The following NWD2 variants were observed in gnomAD, a reference collection of about 807,000 sequenced individuals.
NWD2 encodes NACHT and WD repeat domain-containing protein 2.
NWD2 carries 37 observed loss-of-function variants against 132.7 expected under a neutral mutation model. That is an observed-to-expected ratio of 0.28 (90% CI 0.21 to 0.37). The LOEUF is 0.37. NWD2 is among the 10% of genes least tolerant of loss of function. The pLI, the probability that NWD2 is intolerant of heterozygous loss-of-function variation, is 1.00. For missense variants in NWD2, 1,592 were observed against 2,122.4 expected (o/e 0.75, Z 4.91); for synonymous variants, 705 against 803.0 (o/e 0.88, Z 2.06).
chr4:37,268,665 A>G (rs773278645), intron 1 of NWD2, among the ~76,000 whole-genome samples: 4 of 151,910 alleles, frequency 2.6e-5, no homozygotes, highest in Non-Finnish European at 4.4e-5. Context: ...GTATTTTGCA[A>G]TTGCTAAGAG....
intron 3 of NWD2, among the ~76,000 whole-genome samples, chr4:37,414,048 C>G (rs1477844927): frequency 6.6e-6 from 1 of 151,848 alleles, no homozygotes; most frequent in Admixed American, 6.6e-5. Flanking sequence ...TGCAGCAAAC[C>G]ACCATGGCAT....
At chr4:37,398,142 G>T (rs1720835626) in intron 3 of NWD2, among the ~76,000 whole-genome samples, 1 of 152,180 alleles carries the variant, frequency 6.6e-6, no homozygotes, top group African/African-American at 2.4e-5. Context: ...ATCCTCACCA[G>T]ATTCTTTGGA....
intron 3 of NWD2, among the ~76,000 whole-genome samples, chr4:37,362,822 A>T (rs1158116610): frequency 6.6e-6 from 1 of 152,208 alleles, no homozygotes; most frequent in Non-Finnish European, 1.5e-5. Context: ...GTACCTAATA[A>T]AACTAAACAG....
intron 3 of NWD2, among the ~76,000 whole-genome samples, chr4:37,387,039 T>G (rs1290105183): frequency 3.3e-5 from 5 of 152,162 alleles, no homozygotes; most frequent in Non-Finnish European, 7.3e-5. Flanking sequence ...TATTCCTTGA[T>G]AGCAATGCAG....
chr4:37,313,153 A>G (rs528815765), intron 1 of NWD2, among the ~76,000 whole-genome samples: 5 of 151,306 alleles, frequency 3.3e-5, no homozygotes, highest in African/African-American at 1.2e-4. Flanking sequence ...AAAATGAGTT[A>G]GGGAGGATTC....
chr4:37,260,372 G>A (rs1717604728), intron 1 of NWD2, among the ~76,000 whole-genome samples: 1 of 152,134 alleles, frequency 6.6e-6, no homozygotes, highest in Admixed American at 6.5e-5. Context: ...CTGCAGTATT[G>A]CATTATTCCA....
At chr4:37,263,140 T>C (rs1717678760) in intron 1 of NWD2, among the ~76,000 whole-genome samples, 1 of 152,148 alleles carries the variant, frequency 6.6e-6, no homozygotes, top group African/African-American at 2.4e-5. Context: ...AGCTGCATGG[T>C]CCAGCTTTCA....
At chr4:37,383,288 C>G (rs966343707) in intron 3 of NWD2, among the ~76,000 whole-genome samples, 26 of 152,172 alleles carry the variant, frequency 1.7e-4, no homozygotes, top group African/African-American at 6.3e-4. Flanking sequence ...TGATTTACAG[C>G]CAAAACAATT....
At chr4:37,316,545 ATTAT>A (rs1718962319) in intron 1 of NWD2, among the ~76,000 whole-genome samples, 1 of 151,784 alleles carries the variant, frequency 6.6e-6, no homozygotes, top group African/African-American at 2.4e-5. Flanking sequence ...CATTTTCGTG[ATTAT>A]TTATTTAAAT....
intron 3 of NWD2, among the ~76,000 whole-genome samples, chr4:37,368,031 A>G (rs1194078397): frequency 6.6e-6 from 1 of 151,940 alleles, no homozygotes; most frequent in Non-Finnish European, 1.5e-5. Context: ...GTCCTGTTCC[A>G]GTTTTCTTGG....
intron 1 of NWD2, among the ~76,000 whole-genome samples, chr4:37,256,578 A>G (rs1226173572): frequency 6.6e-6 from 1 of 152,222 alleles, no homozygotes. Context: ...ACTGTGTGAT[A>G]AGGAAAGTTA....
At chr4:37,258,920 A>G (rs1402491388) in intron 1 of NWD2, among the ~76,000 whole-genome samples, 2 of 152,220 alleles carry the variant, frequency 1.3e-5, no homozygotes, top group South Asian at 4.1e-4. Flanking sequence ...TGATATCACA[A>G]GTAGGATCAA....
At chr4:37,297,249 T>C (rs1286976802) in intron 1 of NWD2, among the ~76,000 whole-genome samples, 2 of 152,220 alleles carry the variant, frequency 1.3e-5, no homozygotes, top group Non-Finnish European at 2.9e-5. Context: ...CCTACACATC[T>C]TCTTCCATAT....
chr4:37,402,277 T>C lies in NWD2; in HGVS notation c.358-28295T>C, dbSNP rs1311135690. 3.3e-5 allele frequency among the ~76,000 whole-genome samples: 5 copies of C among 152,340 alleles called. No individual in the cohort carries two copies. The South Asian group carries it at 8.3e-4, about 25-fold the overall frequency. ...TAAATTTCTCAGTCTCAGATATTCT[T>C]TTATAGCAGCACAAAACCCACTAGA... On this transcript the variant is annotated intron_variant, in intron 3 of 6. Coordinates refer to ENST00000309447, the MANE Select transcript of NWD2 (RefSeq NM_001144990.2).
At chr4:37,259,851 A>G (rs769766340) in intron 1 of NWD2, among the ~76,000 whole-genome samples, 5 of 152,220 alleles carry the variant, frequency 3.3e-5, no homozygotes, top group Admixed American at 6.5e-5. Context: ...CCTCCCCTCC[A>G]GGGAAGGAGC....
chr4:37,329,706 G>C (rs565543272), intron 2 of NWD2, among the ~76,000 whole-genome samples: 120 of 152,260 alleles, frequency 7.9e-4, no homozygotes, highest in African/African-American at 2.7e-3. Flanking sequence ...AGACCTCATG[G>C]GCCAAGATTA....
intron 1 of NWD2, among the ~76,000 whole-genome samples, chr4:37,287,314 T>G (rs1030728534): frequency 6.6e-6 from 1 of 152,120 alleles, no homozygotes; most frequent in Admixed American, 6.5e-5. Context: ...TGTAGCTGCC[T>G]GCTGCCTTAG....
intron 1 of NWD2, among the ~76,000 whole-genome samples, chr4:37,306,239 C>A (rs988155808): frequency 1.3e-5 from 2 of 152,144 alleles, no homozygotes; most frequent in East Asian, 1.9e-4. Context: ...CTTAGTACAG[C>A]TAATGGTTTC....
At chr4:37,313,988 G>A (rs544800270) in intron 1 of NWD2, among the ~76,000 whole-genome samples, 13 of 145,530 alleles carry the variant, frequency 8.9e-5, no homozygotes, top group African/African-American at 2.0e-4. Context: ...GAGCCACTGC[G>A]CCTGGCCATT....
Sources: allele counts gnomAD v4.1 joint callset (sites outside exome capture counted in the v4.1 genomes callset), GRCh38; gene constraint gnomAD v4.1.1; transcripts MANE v1.5; gene names NCBI Gene and HGNC (gene_info 2026-07-23, HGNC 2026-07-21).